SINHCAF: variants seen among roughly 807,000 people sequenced by gnomAD.
SINHCAF encodes SIN3-HDAC complex associated factor, also known as SIN3-HDAC complex-associated factor.
In SINHCAF, 3 loss-of-function variants were observed where a neutral mutation model predicts 25.8. That is an observed-to-expected ratio of 0.12 (90% CI 0.05 to 0.30). SINHCAF has a LOEUF of 0.30. SINHCAF is among the 10% of genes least tolerant of loss of function. The probability of loss-of-function intolerance (pLI) is 1.00; values close to 1 mark genes in which losing one functional copy is unlikely to be tolerated. For missense variants in SINHCAF, 121 were observed against 262.3 expected, an observed-to-expected ratio of 0.46 and a Z score of 3.72; for synonymous variants, 70 against 85.5, an observed-to-expected ratio of 0.82 and a Z score of 1.00.
chr12:31,289,081 C>T (rs1938198013), intron 4 of SINHCAF, among the ~76,000 whole-genome samples: 1 of 152,060 alleles, frequency 6.6e-6, no homozygotes, highest in African/African-American at 2.4e-5. Context: ...AGAAAACAAA[C>T]AGTGAACTGG....
chr12:31,298,221 T>C lies in SINHCAF; in HGVS notation c.-17A>G, dbSNP rs201330913. 20 of 1,613,674 alleles carry C rather than the reference T, an allele frequency of 1.2e-5. No individual in the cohort carries two copies. Among genetic ancestry groups the C allele is most frequent in the Middle Eastern group, 1.6e-4 (1 of 6,082 alleles). The stretch of plus-strand genomic sequence containing the variant: ...ACCAAACATCTTTTCTTCTGGGCAA[T>C]AGTCTGTAAAGCCAAGGGAATTGAC... On this transcript the variant is annotated 5_prime_UTR_variant, in exon 2 of 6. Coordinates refer to ENST00000337682, the MANE Select transcript of SINHCAF (RefSeq NM_001135812.2).
intron 4 of SINHCAF, among the ~76,000 whole-genome samples, chr12:31,292,743 T>C (rs1489107182): frequency 6.6e-6 from 1 of 152,360 alleles, no homozygotes; most frequent in African/African-American, 2.4e-5. Flanking sequence ...AGATTACATA[T>C]GTAAAGTGCT....
rs1050648358 is a variant in SINHCAF, at chr12:31,325,099, G to T, written c.-21+925C>A. Reference sequence around the variant, plus strand: ...TGCGGAGTTCACTGACTCCCGCGGCGTACACAACGCCGCCGCCTCCATCTC... The same window carrying T: ...TGCGGAGTTCACTGACTCCCGCGGCTTACACAACGCCGCCGCCTCCATCTC... On this transcript the variant is annotated intron_variant, in intron 1 of 5. Transcript: ENST00000337682. This position sits in a 1 kb window ranked among gnomAD's most constrained non-coding sequence, Gnocchi z 5.9. The T allele has an allele frequency of 4.4e-6, 2 of 456,744 alleles. No homozygotes were observed. Among genetic ancestry groups the T allele is most frequent in the Non-Finnish European group, 8.8e-6 (2 of 226,948 alleles). The allele number at this position is 456,744 out of a possible 1,614,324, so 28.3% of individuals were successfully genotyped here. A position where few individuals can be genotyped will look rare whatever the true frequency, so the allele number is the denominator to read the frequency against.
chr12:31,323,865 A>C, intron 1 of SINHCAF: 2 of 438,576 alleles, frequency 4.6e-6, no homozygotes, highest in Non-Finnish European at 9.3e-6. Flanking sequence ...GCTGGGGAGG[A>C]GGTGCTCGCC....
chr12:31,294,645 T>A (rs1938474367), intron 3 of SINHCAF, among the ~76,000 whole-genome samples: 1 of 152,212 alleles, frequency 6.6e-6, no homozygotes, highest in Non-Finnish European at 1.5e-5. Flanking sequence ...GTTGTTATCA[T>A]CTTCAAAATC....
chr12:31,326,109 T>A lies in SINHCAF; in HGVS notation c.-106A>T, dbSNP rs1939967318. On this transcript the variant is annotated 5_prime_UTR_variant, in exon 1 of 6. Coordinates refer to ENST00000337682, the MANE Select transcript of SINHCAF (RefSeq NM_001135812.2). Reference sequence around the variant, plus strand: ...CCAGTCCCCCTCAAGCGCTCCCTCCTCCTCAACTGCCTTGTCTAGAAAGAT... The same window carrying A: ...CCAGTCCCCCTCAAGCGCTCCCTCCACCTCAACTGCCTTGTCTAGAAAGAT... 2.0e-5 allele frequency: 3 copies of A among 152,414 alleles called. No individual in the cohort carries two copies. The highest frequency in any genetic ancestry group is 6.5e-5 in the Admixed American group (1 of 15,298). 9.4% of individuals were successfully genotyped at this position (152,414 alleles called of 1,614,324 possible).
intron 1 of SINHCAF, among the ~76,000 whole-genome samples, chr12:31,300,069 CT>C (rs1488204061): frequency 6.6e-6 from 1 of 152,088 alleles, no homozygotes; most frequent in Non-Finnish European, 1.5e-5. Context: ...CTGTATTTGT[CT>C]TTGGATTATC....
chr12:31,286,547 C>T lies in SINHCAF; in HGVS notation c.506+1087G>A, dbSNP rs1340617858. On this transcript the variant is annotated intron_variant, in intron 5 of 5. Transcript: ENST00000337682. ...GTGTGGTGGCCATGCACCTGTAATC[C>T]CAGCTACTCGGGAGGCTAAGGCAGG... Among the ~76,000 whole-genome samples the T allele has an allele frequency of 2.0e-5, 3 of 151,830 alleles. No individual in the cohort carries two copies. The South Asian group carries it at 6.2e-4, about 32-fold the overall frequency.
At chr12:31,316,913 A>T (rs749281493) in intron 1 of SINHCAF, among the ~76,000 whole-genome samples, 10 of 152,186 alleles carry the variant, frequency 6.6e-5, no homozygotes, top group Non-Finnish European at 1.0e-4. Flanking sequence ...ACTCACATTT[A>T]AGGATATGGA....
intron 1 of SINHCAF, among the ~76,000 whole-genome samples, chr12:31,301,933 T>C (rs556940532): frequency 6.6e-6 from 1 of 152,304 alleles, no homozygotes; most frequent in South Asian, 2.1e-4. Flanking sequence ...GCTTTCCTAG[T>C]ACCAAATTTG....
chr12:31,318,653 A>G (rs942654914), intron 1 of SINHCAF, among the ~76,000 whole-genome samples: 3 of 27,568 alleles, frequency 1.1e-4, no homozygotes, highest in African/African-American at 4.1e-4. Flanking sequence ...GGTAGAGCGA[A>G]AAAAAAAAAA....
At position 31,287,650 on chromosome 12, in the gene SINHCAF, G is replaced by A. The variant is rs540501745; in HGVS notation, c.490C>T (p.Leu164Phe). 3.1e-6 allele frequency: 5 copies of A among 1,599,476 alleles called. No individual in the cohort carries two copies. The African/African-American group carries it at 5.3e-5, about 17-fold the overall frequency. Reference protein sequence around the residue: ...NRTPVFSFLDLTYWKRQKICC... With the variant: ...NRTPVFSFLDFTYWKRQKICC... ...TTCTTTTACCTTTTCCAGTAAGTGA[G>A]ATCTAAAAAGGAAAAAACTGGTGTT... The change falls in exon 5 of 6, where the codon CTC (leucine) becomes TTC (phenylalanine). Residue 164 changes from leucine (L) to phenylalanine (F), a missense_variant. Transcript: ENST00000337682.
rs777087270 is a variant in SINHCAF at position 31,297,467 on chromosome 12, A to ATTTTTTT, written c.128+603_128+609dup. On this transcript the variant is annotated intron_variant, in intron 2 of 5. Transcript: ENST00000337682. ...GAGCCACTGCACCCGGTCAAGCGTA[A>ATTTTTTT]TTTTTTTTTTTTTTTTTTTTTTTTG... is the stretch of plus-strand genomic sequence containing the variant. Among the ~76,000 whole-genome samples, 269 of 103,412 alleles carry ATTTTTTT rather than the reference A, an allele frequency of 2.6e-3. 5 individuals are homozygous for ATTTTTTT. The highest frequency in any genetic ancestry group is 9.5e-3 in the African/African-American group (253 of 26,672). 67.8% of individuals were successfully genotyped at this position (103,412 alleles called of 152,430 possible). A position where few individuals can be genotyped will look rare whatever the true frequency, so the allele number is the denominator to read the frequency against.
intron 1 of SINHCAF, among the ~76,000 whole-genome samples, chr12:31,310,905 C>G (rs889980557): frequency 5.4e-5 from 8 of 147,666 alleles, no homozygotes; most frequent in Non-Finnish European, 8.9e-5. Flanking sequence ...GAGTCTCACT[C>G]TGTCGCCAGG....
chr12:31,304,914 A>G (rs1938958854), intron 1 of SINHCAF: 1 of 152,264 alleles, frequency 6.6e-6, no homozygotes, highest in South Asian at 2.1e-4. Flanking sequence ...TCTGAGTCAA[A>G]GCAGACAAGG....
intron 1 of SINHCAF, among the ~76,000 whole-genome samples, chr12:31,317,219 T>A (rs1448227055): frequency 1.3e-5 from 2 of 152,262 alleles, no homozygotes; most frequent in East Asian, 3.9e-4. Flanking sequence ...GAAATTCTGA[T>A]ATGCACAAAT....
intron 5 of SINHCAF, among the ~76,000 whole-genome samples, chr12:31,286,696 G>T (rs939454127): frequency 1.3e-5 from 2 of 151,872 alleles, no homozygotes; most frequent in African/African-American, 2.4e-5. Context: ...TGTCAATGTG[G>T]TAAATTATAT....
intron 1 of SINHCAF, among the ~76,000 whole-genome samples, chr12:31,311,299 C>T (rs948801709): frequency 2.6e-5 from 4 of 152,206 alleles, no homozygotes; most frequent in African/African-American, 7.2e-5. Context: ...GATCCAACCA[C>T]ACTGTGCTTT....
chr12:31,302,975 T>C, intron 1 of SINHCAF: 1 of 985,444 alleles, frequency 1.0e-6, no homozygotes, highest in Non-Finnish European at 1.2e-6. Context: ...TTGGCTCACT[T>C]TTCTCTTTTC....
Sources: gnomAD v4.1 joint callset for allele counts (sites outside exome capture counted in the v4.1 genomes callset) on GRCh38, gnomAD v4.1.1 for gene constraint, Gnocchi (gnomAD v3.1) non-coding constraint, MANE v1.5 for transcripts, NCBI Gene and HGNC (gene_info 2026-07-23, HGNC 2026-07-21) for gene names.